The following ERCC1 variants were observed in gnomAD, a reference collection of about 807,000 sequenced individuals.
ERCC1 encodes the protein ERCC excision repair 1, endonuclease non-catalytic subunit, also known as DNA excision repair protein ERCC-1.
Under a neutral mutation model 37.6 loss-of-function variants are expected in ERCC1, and 36 were observed. The ratio of observed to expected loss-of-function variants is 0.96; its 90% confidence interval spans 0.73 to 1.26. ERCC1 has a LOEUF of 1.26. ERCC1 is among the 50% of genes most tolerant of loss of function. The pLI, the probability that ERCC1 is intolerant of heterozygous loss-of-function variation, is 0.00. For missense variants in ERCC1, 349 were observed against 376.5 expected (o/e 0.93, Z 0.60); for synonymous variants, 156 against 162.1 (o/e 0.96, Z 0.28).
intron 1 of ERCC1, among the ~76,000 whole-genome samples, chr19:45,435,133 G>T (rs1247971840): frequency 6.6e-6 from 1 of 151,976 alleles, no homozygotes; most frequent in Non-Finnish European, 1.5e-5. Context: ...TGGCCAGGCT[G>T]GTCTCAGACT....
intron 1 of ERCC1, among the ~76,000 whole-genome samples, chr19:45,441,623 C>T (rs1975121116): frequency 6.6e-6 from 1 of 151,678 alleles, no homozygotes; most frequent in African/African-American, 2.4e-5. Context: ...GATCCGCCCA[C>T]CTCGGCCTCC....
intron 1 of ERCC1, among the ~76,000 whole-genome samples, chr19:45,435,562 A>G (rs1349030302): frequency 6.6e-6 from 1 of 152,156 alleles, no homozygotes; most frequent in African/African-American, 2.4e-5. Flanking sequence ...TCCTAGGCTC[A>G]AGCAAACCTC....
chr19:45,426,783 A>AC (rs1410044335), upstream of ERCC1, among the ~76,000 whole-genome samples: 1 of 150,566 alleles, frequency 6.6e-6, no homozygotes, highest in Non-Finnish European at 1.5e-5. Context: ...ACATGACAAA[A>AC]CCCCATCTCT....
chr19:45,431,804 T>C (rs1001832312), intron 1 of ERCC1, among the ~76,000 whole-genome samples: 1 of 151,920 alleles, frequency 6.6e-6, no homozygotes, highest in Non-Finnish European at 1.5e-5. Context: ...GGTGGGAGGA[T>C]CACTTGAGCC....
intron 1 of ERCC1, among the ~76,000 whole-genome samples, chr19:45,439,787 A>T (rs1975071309): frequency 1.3e-5 from 2 of 151,892 alleles, no homozygotes; most frequent in Non-Finnish European, 2.9e-5. Flanking sequence ...CCCCCGATCG[A>T]GGCCCCCTCG....
rs774714745 is a variant in ERCC1, at chr19:45,420,935, A to G, written c.321+243T>C. ...CACCACACCCAGCCTCATTCAGTAC[A>G]TTTTGAATAAATTAACAAACCTGGG... is the stretch of plus-strand genomic sequence containing the variant. On this transcript the variant is annotated intron_variant, in intron 3 of 9. Coordinates refer to ENST00000300853, the MANE Select transcript of ERCC1 (RefSeq NM_001983.4). The surrounding 1 kb of genome is among the most constrained non-coding windows in gnomAD (Gnocchi z 4.8). Among the ~76,000 whole-genome samples, 14 of 152,200 alleles carry G rather than the reference A, an allele frequency of 9.2e-5. No homozygotes were observed. The East Asian group carries it at 1.5e-3, about 17-fold the overall frequency.
chr19:45,422,025 C>T (rs1475318360), intron 2 of ERCC1, among the ~76,000 whole-genome samples: 1 of 152,054 alleles, frequency 6.6e-6, no homozygotes, highest in African/African-American at 2.4e-5. Flanking sequence ...CCACTTCTCC[C>T]CCACTCCTCA....
At chr19:45,434,445 T>C (rs1357664517) in intron 1 of ERCC1, among the ~76,000 whole-genome samples, 2 of 151,904 alleles carry the variant, frequency 1.3e-5, no homozygotes, top group South Asian at 4.1e-4. Context: ...AGGGCCATGA[T>C]CATGACAATG....
chr19:45,434,761 A>T (rs143008566), intron 1 of ERCC1, among the ~76,000 whole-genome samples: 7,084 of 148,996 alleles, frequency 0.048, 222 homozygotes, highest in Middle Eastern at 0.082. Context: ...TTTTTTAAAA[A>T]TTTTTTTATT....
chr19:45,430,136 A>G (rs748023329), intron 1 of ERCC1, among the ~76,000 whole-genome samples: 1 of 152,186 alleles, frequency 6.6e-6, no homozygotes, highest in Non-Finnish European at 1.5e-5. Flanking sequence ...GGAGCCCCAT[A>G]AGGGCAGGGT....
intron 1 of ERCC1, among the ~76,000 whole-genome samples, chr19:45,433,665 G>A (rs1400274631): frequency 1.3e-5 from 2 of 150,650 alleles, no homozygotes; most frequent in African/African-American, 4.9e-5. Context: ...ACCAGCCTGG[G>A]TGACAGAGCA....
chr19:45,432,163 T>G (rs1474073897), intron 1 of ERCC1, among the ~76,000 whole-genome samples: 3 of 151,792 alleles, frequency 2.0e-5, no homozygotes, highest in Non-Finnish European at 2.9e-5. Context: ...GTAGTGACGG[T>G]GTTTCACCAT....
At chr19:45,441,964 G>A (rs552831447) in intron 1 of ERCC1, among the ~76,000 whole-genome samples, 1 of 152,052 alleles carries the variant, frequency 6.6e-6, no homozygotes, top group East Asian at 1.9e-4. Context: ...TTACAGGTGT[G>A]AGCCACTGTG....
upstream of ERCC1, among the ~76,000 whole-genome samples, chr19:45,428,083 C>CCT (rs1555790017): frequency 1.9e-4 from 22 of 116,018 alleles, no homozygotes; most frequent in Admixed American, 2.7e-4. Context: ...TTCTTTCTTT[C>CCT]TTTTTTTTTT....
chr19:45,431,632 A>G (rs7247671), intron 1 of ERCC1, among the ~76,000 whole-genome samples: 77,076 of 150,530 alleles, frequency 0.51, 22,207 homozygotes, highest in African/African-American at 0.76. Context: ...AGCCAAGATC[A>G]TGCCATTGCA....
chr19:45,431,948 T>G (rs1974843417), intron 1 of ERCC1, among the ~76,000 whole-genome samples: 1 of 152,128 alleles, frequency 6.6e-6, no homozygotes, highest in African/African-American at 2.4e-5. Flanking sequence ...AAGATATAAC[T>G]TACATTAACA....
intron 7 of ERCC1, 97 bp downstream of exon 7, chr19:45,414,764 G>A: frequency 2.3e-6 from 2 of 862,042 alleles, no homozygotes; most frequent in Non-Finnish European, 4.0e-6. Flanking sequence ...ACGAGGCCCA[G>A]GGATGAATGG....
In ERCC1 at chr19:45,421,442, G is replaced by A; in HGVS notation, c.106-49C>T. The stretch of plus-strand genomic sequence containing the variant: ...AGGGGACTGGTTGGGGTGAGCAGAG[G>A]ACATCTGAGGCCCTGTGAGTTCCTC... On this transcript the variant is annotated intron_variant, in intron 2 of 9. Coordinates refer to ENST00000300853, the MANE Select transcript of ERCC1 (RefSeq NM_001983.4). 3.0e-6 allele frequency: 4 copies of A among 1,349,520 alleles called. No homozygotes were observed. In the South Asian group the frequency reaches 5.1e-5, roughly 17 times the overall value. 83.6% of individuals were successfully genotyped at this position (1,349,520 alleles called of 1,614,324 possible).
chr19:45,414,174 C>G, intron 7 of ERCC1, 140 bp from the exon 8 acceptor site: 1 of 721,914 alleles, frequency 1.4e-6, no homozygotes, highest in East Asian at 2.7e-5. Context: ...TTTTTCCCAA[C>G]TGATTAAAAA....
Sources: gnomAD v4.1 joint callset for allele counts (sites outside exome capture counted in the v4.1 genomes callset) on GRCh38, gnomAD v4.1.1 for gene constraint, Gnocchi (gnomAD v3.1) non-coding constraint, MANE v1.5 for transcripts, NCBI Gene and HGNC (gene_info 2026-07-23, HGNC 2026-07-21) for gene names.